SMLR1: variants seen among roughly 807,000 people sequenced by gnomAD.
The protein encoded by SMLR1 is small leucine rich protein 1.
SMLR1 carries 3 observed loss-of-function variants against 6.1 expected under a neutral mutation model. The observed-to-expected ratio is 0.49, with a 90% CI of 0.22 to 1.28. The LOEUF (loss-of-function observed/expected upper bound fraction) is 1.28, where lower values mean the gene tolerates loss of function less well. Among genes scored for constraint, SMLR1 ranks in the 50% most tolerant of loss-of-function variants. The pLI, the probability that SMLR1 is intolerant of heterozygous loss-of-function variation, is 0.19. For missense variants in SMLR1, 126 were observed against 124.8 expected, an observed-to-expected ratio of 1.01 and a Z score of -0.05; for synonymous variants, 55 against 53.6, an observed-to-expected ratio of 1.03 and a Z score of -0.11.
chr6:130,827,941 GTCTC>G (rs372233759), intron 1 of SMLR1, among the ~76,000 whole-genome samples: 1 of 152,050 alleles, frequency 6.6e-6, no homozygotes, highest in Non-Finnish European at 1.5e-5. Flanking sequence ...ATGGTTGCTT[GTCTC>G]TCTCTCTCAA....
At position 130,827,560 on chromosome 6, in the gene SMLR1, C is replaced by T. The variant is rs903389299; in HGVS notation, c.147C>T (p.Leu49=). Reference sequence around the variant, plus strand: ...TGCTGTCAGCTTTCATGAGGGAGCTCCCTGGCTGGTTCCTGTTCTTTGGGG... The same window carrying T: ...TGCTGTCAGCTTTCATGAGGGAGCTTCCTGGCTGGTTCCTGTTCTTTGGGG... ...SSVLSAFMRE[L]PGWFLFFGVF... is the part of the protein sequence containing the mutation. Residue 49 remains leucine, a synonymous_variant, in exon 1 of 2, where the codon CTC becomes CTT. Coordinates refer to ENST00000541421, the MANE Select transcript of SMLR1 (RefSeq NM_001195597.2). 2.0e-6 allele frequency: 3 copies of T among 1,535,822 alleles called. No homozygotes were observed. In the South Asian group the frequency reaches 3.6e-5, roughly 18 times the overall value.
chr6:130,827,729 AGT>A, intron 1 of SMLR1, 78 bp downstream of exon 1: 1 of 1,044,364 alleles, frequency 9.6e-7, no homozygotes, highest in Admixed American at 2.1e-5. Flanking sequence ...ATGCACTGTC[AGT>A]GTTTTCTGGC....
chr6:130,834,959 TG>T lies in SMLR1; in HGVS notation c.*8del, dbSNP rs1774604494. ...CCAGAGAATGAAATGGACGTGAAGT[TG>T]GGGACTTTCCAATAACTAAAGCACA... On this transcript the variant is annotated 3_prime_UTR_variant, in exon 2 of 2. Coordinates refer to ENST00000541421, the MANE Select transcript of SMLR1 (RefSeq NM_001195597.2). 6.5e-7 allele frequency: 1 copy of T among 1,534,914 alleles called. No individual in the cohort carries two copies. Among genetic ancestry groups the T allele is most frequent in the Non-Finnish European group, 8.7e-7 (1 of 1,145,976 alleles).
chr6:130,829,558 CCCT>C (rs1774378685), intron 1 of SMLR1, among the ~76,000 whole-genome samples: 1 of 152,180 alleles, frequency 6.6e-6, no homozygotes, highest in African/African-American at 2.4e-5. Context: ...CACGCTGATG[CCCT>C]CCTATCTTCA....
At position 130,836,684 on chromosome 6, in the gene SMLR1, A is replaced by C. The variant is rs1293421541; in HGVS notation, c.*1729A>C. The C allele has an allele frequency of 6.6e-6, 1 of 152,180 alleles. No individual in the cohort carries two copies. Among genetic ancestry groups the C allele is most frequent in the Non-Finnish European group, 1.5e-5 (1 of 68,026 alleles). 9.4% of individuals were successfully genotyped at this position (152,180 alleles called of 1,614,324 possible). On this transcript the variant is annotated 3_prime_UTR_variant, in exon 2 of 2. Transcript: ENST00000541421. ...ATTTATGAATGTTTTTTATATGTAG[A>C]GAGGGGCAGAAACATGTTCATTTTC...
rs779008813 is a variant in SMLR1, at chr6:130,827,473, C to A, written c.60C>A (p.Ala20=). The part of the protein sequence containing the change: ...RKQVQTQRKA[A]LVLSVTPMVP... ...AAGTACAGACTCAGAGGAAAGCTGC[C>A]CTGGTCCTGAGTGTGACTCCCATGG... The change falls in exon 1 of 2, where the codon GCC becomes GCA. Residue 20 remains alanine, a synonymous_variant. Transcript: ENST00000541421. 9 of 1,535,988 alleles carry A rather than the reference C, an allele frequency of 5.9e-6. No individual in the cohort carries two copies. The highest frequency in any genetic ancestry group is 7.8e-6 in the Non-Finnish European group (9 of 1,146,852).
intron 1 of SMLR1, among the ~76,000 whole-genome samples, chr6:130,830,049 T>A (rs1774393663): frequency 6.6e-6 from 1 of 152,174 alleles, no homozygotes. Context: ...ATTTTTACTA[T>A]GAGTTTTTAA....
rs900302210 is a variant in SMLR1 at position 130,835,175 on chromosome 6, A to G, written c.*220A>G. The G allele has an allele frequency of 1.9e-6, 1 of 531,718 alleles. No homozygotes were observed. The highest frequency in any genetic ancestry group is 3.4e-6 in the Non-Finnish European group (1 of 295,962). The allele number at this position is 531,718 out of a possible 1,614,324, so 32.9% of individuals were successfully genotyped here. The stretch of plus-strand genomic sequence containing the variant: ...ACAGCAGCTCTTGAAAAGTACCAAG[A>G]ATGGATTTCCTGGGTATATACACTG... On this transcript the variant is annotated 3_prime_UTR_variant, in exon 2 of 2. Transcript: ENST00000541421.
rs1774679092 is a variant in SMLR1 at position 130,836,708 on chromosome 6, T to C, written c.*1753T>C. 1 of 152,200 alleles carries C rather than the reference T, an allele frequency of 6.6e-6. No individual in the cohort carries two copies. Among genetic ancestry groups the C allele is most frequent in the African/African-American group, 2.4e-5 (1 of 41,452 alleles). The allele number at this position is 152,200 out of a possible 1,614,324, so 9.4% of individuals were successfully genotyped here. A position where few individuals can be genotyped will look rare whatever the true frequency, so the allele number is the denominator to read the frequency against. On this transcript the variant is annotated 3_prime_UTR_variant, in exon 2 of 2. Transcript: ENST00000541421. The stretch of plus-strand genomic sequence containing the variant: ...GAGAGGGGCAGAAACATGTTCATTT[T>C]CCCATGAAGGAACAAGTCCCAAGGG...
intron 1 of SMLR1, 70 bp downstream of exon 1, chr6:130,827,721 GCA>G: frequency 8.6e-7 from 1 of 1,156,964 alleles, no homozygotes; most frequent in Non-Finnish European, 1.2e-6. Flanking sequence ...ATATACCGAT[GCA>G]CTGTCAGTGT....
rs962989609 is a variant in SMLR1 at position 130,837,023 on chromosome 6, A to AC, written c.*2069dup. 6.6e-6 allele frequency: 1 copy of AC among 152,270 alleles called. No homozygotes were observed. The highest frequency in any genetic ancestry group is 6.5e-5 in the Admixed American group (1 of 15,288). The allele number at this position is 152,270 out of a possible 1,614,324, so 9.4% of individuals were successfully genotyped here. ...TCCCACAACCCTCAATGGTCTCACT[A>AC]CAACAGTTCCGAATCTTATTCCAAA... is the stretch of plus-strand genomic sequence containing the variant. On this transcript the variant is annotated 3_prime_UTR_variant, in exon 2 of 2. Coordinates refer to ENST00000541421, the MANE Select transcript of SMLR1 (RefSeq NM_001195597.2).
chr6:130,827,635 G>A lies in SMLR1; in HGVS notation c.222G>A (p.Arg74=), dbSNP rs1774316234. The stretch of plus-strand genomic sequence containing the variant: ...TGCTCCTCCTCATCGCCTACTTCAG[G>A]ATCAAACTGATTGAGGGTAAGTGTG... The part of the protein sequence containing the change: ...LLLLLLIAYF[R]IKLIEVNEEL... The change falls in exon 1 of 2, where the codon AGG becomes AGA. Residue 74 remains arginine (R), a synonymous_variant. Coordinates refer to ENST00000541421, the MANE Select transcript of SMLR1 (RefSeq NM_001195597.2). 6.5e-7 allele frequency: 1 copy of A among 1,535,932 alleles called. No homozygotes were observed. Among genetic ancestry groups the A allele is most frequent in the Non-Finnish European group, 8.7e-7 (1 of 1,146,788 alleles).
At chr6:130,833,390 T>C (rs1485680399) in intron 1 of SMLR1, among the ~76,000 whole-genome samples, 2 of 152,120 alleles carry the variant, frequency 1.3e-5, no homozygotes, top group African/African-American at 2.4e-5. Flanking sequence ...AAGCACCCTA[T>C]TGTGCAGTTA....
At chr6:130,834,716 C>A (rs958391461) in intron 1 of SMLR1, among the ~76,000 whole-genome samples, 154 bp from the exon 2 acceptor site, 1 of 152,146 alleles carries the variant, frequency 6.6e-6, no homozygotes, top group East Asian at 1.9e-4. Context: ...AGATAAGGAT[C>A]GATCCTGTAA....
At chr6:130,829,171 C>T (rs1774365772) in intron 1 of SMLR1, among the ~76,000 whole-genome samples, 1 of 152,144 alleles carries the variant, frequency 6.6e-6, no homozygotes, top group Admixed American at 6.5e-5. Flanking sequence ...TCAAAAACTG[C>T]AGCAAGTACA....
intron 1 of SMLR1, among the ~76,000 whole-genome samples, chr6:130,832,258 T>G (rs1774482882): frequency 6.6e-6 from 1 of 152,096 alleles, no homozygotes. Flanking sequence ...TGGCCAAAAA[T>G]AGTCATTATT....
At chr6:130,830,423 T>C (rs895584212) in intron 1 of SMLR1, among the ~76,000 whole-genome samples, 1 of 152,128 alleles carries the variant, frequency 6.6e-6, no homozygotes, top group East Asian at 1.9e-4. Context: ...CTATTTACCA[T>C]GGCAGAACAA....
intron 1 of SMLR1, among the ~76,000 whole-genome samples, chr6:130,833,592 C>A (rs1173156724): frequency 2.0e-5 from 3 of 152,146 alleles, no homozygotes; most frequent in African/African-American, 7.2e-5. Context: ...TCATCAGTTT[C>A]TCTGATCTTG....
chr6:130,832,912 T>C (rs1222051415), intron 1 of SMLR1, among the ~76,000 whole-genome samples: 1 of 152,122 alleles, frequency 6.6e-6, no homozygotes, highest in African/African-American at 2.4e-5. Flanking sequence ...TTTGAAGAAT[T>C]TGATCAATCT....
Sources: allele counts gnomAD v4.1 joint callset (sites outside exome capture counted in the v4.1 genomes callset), GRCh38; gene constraint gnomAD v4.1.1; transcripts MANE v1.5; gene names NCBI Gene and HGNC (gene_info 2026-07-23, HGNC 2026-07-21).